Variants in DPP10 observed in about 807,000 individuals in gnomAD.
DPP10 encodes the protein dipeptidyl peptidase like 10, also known as inactive dipeptidyl peptidase 10.
A neutral mutation model predicts 120.9 loss-of-function variants in DPP10; 33 were observed. That is an observed-to-expected ratio of 0.27 (90% CI 0.21 to 0.37). The LOEUF (loss-of-function observed/expected upper bound fraction) is 0.37. Among genes scored for constraint, DPP10 ranks in the 10% least tolerant of loss-of-function variants. The pLI, the probability that DPP10 is intolerant of heterozygous loss-of-function variation, is 1.00. For synonymous variants in DPP10, 337 were observed against 326.1 expected, an observed-to-expected ratio of 1.03 and a Z score of -0.36; for missense variants, 816 against 942.8, an observed-to-expected ratio of 0.87 and a Z score of 1.76.
At chr2:114,753,984 A>C (rs1574109449) in intron 1 of DPP10, among the ~76,000 whole-genome samples, 1 of 152,024 alleles carries the variant, frequency 6.6e-6, no homozygotes, top group South Asian at 2.1e-4. Context: ...TTTTGAAACT[A>C]TGAAGAGAAA....
intron 1 of DPP10, among the ~76,000 whole-genome samples, chr2:115,063,590 T>C (rs1384963157): frequency 2.0e-5 from 3 of 152,222 alleles, no homozygotes; most frequent in East Asian, 1.9e-4. Context: ...TGAAACAGAA[T>C]AGAGGACTCA....
intron 1 of DPP10, among the ~76,000 whole-genome samples, chr2:114,785,186 A>G (rs1451534787): frequency 6.6e-6 from 1 of 152,012 alleles, no homozygotes; most frequent in African/African-American, 2.4e-5. Context: ...TCATAATTTT[A>G]ATAAAAATAG....
chr2:115,162,187 T>C (rs1209619247), intron 1 of DPP10: 3 of 1,549,992 alleles, frequency 1.9e-6, no homozygotes, highest in Non-Finnish European at 2.6e-6. Flanking sequence ...CCACGGACTC[T>C]GCGGGAAGTT....
At chr2:115,107,395 A>C (rs2049000350) in intron 1 of DPP10, among the ~76,000 whole-genome samples, 1 of 150,626 alleles carries the variant, frequency 6.6e-6, no homozygotes, top group East Asian at 2.0e-4. Flanking sequence ...AGAAGGAACA[A>C]TAAAAAGTTT....
At chr2:114,922,691 A>AT (rs1208675356) in intron 1 of DPP10, among the ~76,000 whole-genome samples, 1 of 151,824 alleles carries the variant, frequency 6.6e-6, no homozygotes, top group Non-Finnish European at 1.5e-5. Flanking sequence ...TACTTTCAAT[A>AT]TTTTTTTTCA....
At chr2:115,108,881 C>A (rs1315008138) in intron 1 of DPP10, among the ~76,000 whole-genome samples, 1 of 151,926 alleles carries the variant, frequency 6.6e-6, no homozygotes, top group Admixed American at 6.6e-5. Flanking sequence ...ATATAGGAGA[C>A]TGGTTGAATG....
At chr2:114,819,569 A>G (rs1316659089) in intron 1 of DPP10, among the ~76,000 whole-genome samples, 1 of 152,230 alleles carries the variant, frequency 6.6e-6, no homozygotes, top group Non-Finnish European at 1.5e-5. Context: ...TGGCTCTTTA[A>G]TTTTGAAAGC....
At position 114,936,347 on chromosome 2, in the gene DPP10, G is replaced by A. The variant is rs140271119; in HGVS notation, c.61-372892G>A. Reference sequence around the variant, plus strand: ...TCCTTTTTATGGCTAAGTAGTGTTCGATAGTGTATATATATATGTGTGTGT... The same window carrying A: ...TCCTTTTTATGGCTAAGTAGTGTTCAATAGTGTATATATATATGTGTGTGT... On this transcript the variant is annotated intron_variant, in intron 1 of 25. Coordinates refer to ENST00000410059, the MANE Select transcript of DPP10 (RefSeq NM_020868.6). Among the ~76,000 whole-genome samples the A allele has an allele frequency of 1.0e-3, 153 of 151,404 alleles. 5 individuals carry two copies. The highest frequency in any genetic ancestry group is 3.2e-3 in the African/African-American group (131 of 41,174).
chr2:115,379,654 A>G (rs186331227), intron 3 of DPP10, among the ~76,000 whole-genome samples: 2 of 151,968 alleles, frequency 1.3e-5, no homozygotes, highest in Admixed American at 6.6e-5. Flanking sequence ...CAGGGTGTCA[A>G]TTTTGGATCT....
intron 7 of DPP10, among the ~76,000 whole-genome samples, chr2:115,693,199 T>A (rs1467888963): frequency 6.6e-6 from 1 of 152,238 alleles, no homozygotes; most frequent in Non-Finnish European, 1.5e-5. Flanking sequence ...CTCTCTGTAA[T>A]CTATCCCACT....
At chr2:115,649,713 A>T (rs553252092) in intron 5 of DPP10, among the ~76,000 whole-genome samples, 1 of 152,114 alleles carries the variant, frequency 6.6e-6, no homozygotes, top group Admixed American at 6.6e-5. Flanking sequence ...GCCCTATATT[A>T]TGTAGTCAGA....
At chr2:115,213,625 T>G (rs2056649664) in intron 1 of DPP10, among the ~76,000 whole-genome samples, 1 of 152,182 alleles carries the variant, frequency 6.6e-6, no homozygotes, top group African/African-American at 2.4e-5. Flanking sequence ...TAGGTCTACA[T>G]TATTGTTTAT....
chr2:115,472,640 G>T (rs2105190383), intron 3 of DPP10, among the ~76,000 whole-genome samples: 1 of 152,202 alleles, frequency 6.6e-6, no homozygotes, highest in South Asian at 2.1e-4. Context: ...TCTTTGTATT[G>T]AAATAGTTTT....
At chr2:114,450,499 G>A (rs982089380) in intron 1 of DPP10, among the ~76,000 whole-genome samples, 3 of 151,508 alleles carry the variant, frequency 2.0e-5, no homozygotes, top group Non-Finnish European at 2.9e-5. Context: ...AATTAATATT[G>A]TTTAAATAAA....
intron 1 of DPP10, among the ~76,000 whole-genome samples, chr2:115,257,207 C>G (rs190673824): frequency 6.6e-6 from 1 of 152,302 alleles, no homozygotes; most frequent in Admixed American, 6.5e-5. Context: ...TTCCTGTTAC[C>G]CAGTTCCAAA....
intron 1 of DPP10, among the ~76,000 whole-genome samples, chr2:114,751,572 G>A (rs1443791388): frequency 6.6e-6 from 1 of 152,192 alleles, no homozygotes; most frequent in South Asian, 2.1e-4. Context: ...AGTGGAATGA[G>A]ATACAATAAG....
At chr2:115,401,063 T>C (rs2068037368) in intron 3 of DPP10, among the ~76,000 whole-genome samples, 1 of 152,124 alleles carries the variant, frequency 6.6e-6, no homozygotes, top group Non-Finnish European at 1.5e-5. Context: ...ATTCTGAAAA[T>C]GAGCGAGCCA....
At chr2:115,378,384 G>C (rs1227470288) in intron 3 of DPP10, among the ~76,000 whole-genome samples, 1 of 151,092 alleles carries the variant, frequency 6.6e-6, no homozygotes, top group Non-Finnish European at 1.5e-5. Context: ...GAATGCTTGT[G>C]ATTTTTGTAC....
chr2:114,501,749 T>C (rs779952513), intron 1 of DPP10, among the ~76,000 whole-genome samples: 1 of 152,124 alleles, frequency 6.6e-6, no homozygotes, highest in Non-Finnish European at 1.5e-5. Context: ...TCAATTTCAT[T>C]TTGCAACTCT....
Sources: gnomAD v4.1 joint callset for allele counts (sites outside exome capture counted in the v4.1 genomes callset) on GRCh38, gnomAD v4.1.1 for gene constraint, MANE v1.5 for transcripts, NCBI Gene and HGNC (gene_info 2026-07-23, HGNC 2026-07-21) for gene names.